The following CACNA1E variants were observed in gnomAD, a reference collection of about 807,000 sequenced individuals.
CACNA1E encodes calcium voltage-gated channel subunit alpha1 E.
Under a neutral mutation model 259.2 loss-of-function variants are expected in CACNA1E, and 40 were observed. The ratio of observed to expected loss-of-function variants is 0.15; its 90% CI spans 0.12 to 0.20. CACNA1E has a LOEUF of 0.20. Among genes scored for constraint, CACNA1E ranks in the 10% least tolerant of loss-of-function variants. The pLI is 1.00. For synonymous variants in CACNA1E, 1,104 were observed against 1,138.5 expected (o/e 0.97, Z 0.61); for missense variants, 1,874 against 3,040.1 (o/e 0.62, Z 9.02).
At chr1:181,685,030 T>A (rs1341130591) in intron 7 of CACNA1E, among the ~76,000 whole-genome samples, 1 of 152,094 alleles carries the variant, frequency 6.6e-6, no homozygotes, top group Non-Finnish European at 1.5e-5. Context: ...AGATTCTCTG[T>A]AAGTTTTTCA....
intron 19 of CACNA1E, among the ~76,000 whole-genome samples, chr1:181,731,562 G>A (rs1001561336): frequency 3.9e-5 from 6 of 152,174 alleles, no homozygotes; most frequent in South Asian, 2.1e-4. Flanking sequence ...GCGAGGATGC[G>A]TGTGGGTACA....
At chr1:181,738,135 A>G (rs1232157760) in intron 23 of CACNA1E, among the ~76,000 whole-genome samples, 4 of 152,238 alleles carry the variant, frequency 2.6e-5, no homozygotes, top group African/African-American at 9.6e-5. Flanking sequence ...GAGAGGGAGC[A>G]GCCAAGGAGT....
intron 2 of CACNA1E, among the ~76,000 whole-genome samples, chr1:181,461,513 C>T (rs1366163326): frequency 6.9e-6 from 1 of 144,632 alleles, no homozygotes. Flanking sequence ...TGCACTCCAG[C>T]CTGGGCGACA....
chr1:181,500,753 T>C (rs894337841), intron 1 of CACNA1E, among the ~76,000 whole-genome samples: 4 of 152,234 alleles, frequency 2.6e-5, no homozygotes, highest in African/African-American at 9.6e-5. Flanking sequence ...TTCAACATTA[T>C]CTCACGTGGT....
At chr1:181,547,305 C>T (rs1018864817) in intron 3 of CACNA1E, among the ~76,000 whole-genome samples, 1 of 152,172 alleles carries the variant, frequency 6.6e-6, no homozygotes, top group South Asian at 2.1e-4. Flanking sequence ...GCCACCGATG[C>T]CACCCTAACT....
chr1:181,762,231 C>G (rs915163044), intron 32 of CACNA1E, among the ~76,000 whole-genome samples: 2 of 152,120 alleles, frequency 1.3e-5, no homozygotes, highest in Admixed American at 1.3e-4. Context: ...TTTTATTTGT[C>G]AATCATGCCT....
intron 7 of CACNA1E, among the ~76,000 whole-genome samples, chr1:181,678,920 G>A (rs977407277): frequency 6.6e-6 from 1 of 152,186 alleles, no homozygotes; most frequent in Non-Finnish European, 1.5e-5. Flanking sequence ...CTAGCCTCCT[G>A]TGAAACATGA....
rs1659881404 is a variant in CACNA1E at position 181,775,314 on chromosome 1, C to A, written c.5140-787C>A. 2.6e-5 allele frequency among the ~76,000 whole-genome samples: 4 copies of A among 152,180 alleles called. No individual in the cohort carries two copies. In the South Asian group the frequency reaches 6.2e-4, roughly 24 times the overall value. On this transcript the variant is annotated intron_variant, in intron 37 of 47. Coordinates refer to ENST00000367573, the MANE Select transcript of CACNA1E (RefSeq NM_001205293.3). ...AAATACAGTGAATGGGTGAGCAGGGCAGCCAGGAAACAAGGAAACAGTGCT... is the reference window on the plus strand; with the variant it reads ...AAATACAGTGAATGGGTGAGCAGGGAAGCCAGGAAACAAGGAAACAGTGCT...
intron 43 of CACNA1E, among the ~76,000 whole-genome samples, chr1:181,790,065 G>C (rs553056511): frequency 1.3e-5 from 2 of 152,240 alleles, no homozygotes; most frequent in African/African-American, 4.8e-5. Context: ...AAAGTCCATG[G>C]CTGCTTAATA....
At chr1:181,474,573 CGT>C (rs1265459913) in intron 2 of CACNA1E, among the ~76,000 whole-genome samples, 1 of 151,872 alleles carries the variant, frequency 6.6e-6, no homozygotes, top group Non-Finnish European at 1.5e-5. Context: ...TCTTTGCAAA[CGT>C]GTGTGTCATT....
At chr1:181,386,898 C>T (rs192577720) in intron 1 of CACNA1E, among the ~76,000 whole-genome samples, 5 of 152,292 alleles carry the variant, frequency 3.3e-5, no homozygotes, top group East Asian at 1.9e-4. Context: ...AGTCTGCACA[C>T]GCTTTGAGTG....
chr1:181,388,726 C>CA (rs1205952692), intron 1 of CACNA1E, among the ~76,000 whole-genome samples: 1 of 151,264 alleles, frequency 6.6e-6, no homozygotes, highest in Admixed American at 6.6e-5. Flanking sequence ...CCGTCTTTAC[C>CA]AAAAAAAATA....
chr1:181,566,782 C>A (rs1243333938), intron 3 of CACNA1E, among the ~76,000 whole-genome samples: 1 of 152,170 alleles, frequency 6.6e-6, no homozygotes, highest in African/African-American at 2.4e-5. Context: ...AAGCATTTCT[C>A]AGTTTTGATG....
At chr1:181,620,408 G>A (rs1454255594) in intron 6 of CACNA1E, among the ~76,000 whole-genome samples, 1 of 152,196 alleles carries the variant, frequency 6.6e-6, no homozygotes, top group African/African-American at 2.4e-5. Flanking sequence ...TCCACATGTT[G>A]AGACATGGGC....
At chr1:181,702,984 A>G (rs1652425782) in intron 7 of CACNA1E, among the ~76,000 whole-genome samples, 2 of 151,912 alleles carry the variant, frequency 1.3e-5, no homozygotes, top group Middle Eastern at 3.2e-3. Flanking sequence ...TTTTTTTGAG[A>G]AGGGGGTCTT....
chr1:181,397,769 C>T (rs894020023), intron 1 of CACNA1E, among the ~76,000 whole-genome samples: 5 of 152,312 alleles, frequency 3.3e-5, no homozygotes, highest in South Asian at 4.2e-4. Context: ...TGCTGAGCTC[C>T]GCAGCCCTGG....
At chr1:181,773,900 T>C (rs550256589) in intron 37 of CACNA1E, among the ~76,000 whole-genome samples, 1 of 152,374 alleles carries the variant, frequency 6.6e-6, no homozygotes, top group African/African-American at 2.4e-5. Context: ...ATTACTGTTA[T>C]TTTTAATGAG....
intron 3 of CACNA1E, among the ~76,000 whole-genome samples, chr1:181,575,138 A>C (rs1470729588): frequency 6.6e-6 from 1 of 152,192 alleles, no homozygotes; most frequent in African/African-American, 2.4e-5. Context: ...GGAAGCTGCC[A>C]GTGGCCAATG....
At chr1:181,691,790 C>G (rs1006967188) in intron 7 of CACNA1E, among the ~76,000 whole-genome samples, 2 of 152,092 alleles carry the variant, frequency 1.3e-5, no homozygotes, top group African/African-American at 2.4e-5. Context: ...ACCACTTCTA[C>G]TGAACATACT....
Sources: allele counts gnomAD v4.1 joint callset (sites outside exome capture counted in the v4.1 genomes callset), GRCh38; gene constraint gnomAD v4.1.1; transcripts MANE v1.5; gene names NCBI Gene and HGNC (gene_info 2026-07-23, HGNC 2026-07-21).